The following CSMD1 variants were observed in gnomAD, a reference collection of about 807,000 sequenced individuals.
CSMD1 encodes the protein CUB and sushi domain-containing protein 1.
A neutral mutation model predicts 417.5 loss-of-function variants in CSMD1; 213 were observed. The ratio of observed to expected loss-of-function variants is 0.51; its 90% CI spans 0.46 to 0.57. The LOEUF (loss-of-function observed/expected upper bound fraction) is 0.57, where lower values mean the gene tolerates loss of function less well. Ranked by LOEUF, CSMD1 falls within the 20% of genes least tolerant of loss-of-function variation. The probability of loss-of-function intolerance (pLI) is 0.00; values close to 1 mark genes in which losing one functional copy is unlikely to be tolerated. For missense variants in CSMD1, 6,923 were observed against 4,529.7 expected, an observed-to-expected ratio of 1.53 and a Z score of -15.17; for synonymous variants, 2,862 against 1,736.8, an observed-to-expected ratio of 1.65 and a Z score of -16.11.
intron 57 of CSMD1, among the ~76,000 whole-genome samples, chr8:2,972,295 C>T (rs1804527588): frequency 6.6e-6 from 1 of 152,142 alleles, no homozygotes. Flanking sequence ...TGTATGTGAG[C>T]TTACTCAAGT....
At chr8:4,895,273 T>TA (rs1404760293) in intron 1 of CSMD1, among the ~76,000 whole-genome samples, 1 of 152,168 alleles carries the variant, frequency 6.6e-6, no homozygotes, top group Non-Finnish European at 1.5e-5. Flanking sequence ...TCAGGTGTGT[T>TA]ACGATTATGA....
intron 5 of CSMD1, among the ~76,000 whole-genome samples, chr8:3,767,278 G>T (rs989381199): frequency 1.3e-5 from 2 of 152,188 alleles, no homozygotes; most frequent in African/African-American, 4.8e-5. Flanking sequence ...CTTTCTCCCC[G>T]ACCTGCACAC....
At chr8:3,706,016 G>C (rs939957668) in intron 7 of CSMD1, among the ~76,000 whole-genome samples, 3 of 152,226 alleles carry the variant, frequency 2.0e-5, no homozygotes, top group Non-Finnish European at 2.9e-5. Flanking sequence ...GGATTCATGA[G>C]GTGCTGAAGA....
intron 2 of CSMD1, among the ~76,000 whole-genome samples, chr8:4,441,763 TTGAC>T (rs1292938438): frequency 1.3e-5 from 2 of 152,174 alleles, no homozygotes; most frequent in Non-Finnish European, 2.9e-5. Flanking sequence ...TGCAGTCCAT[TTGAC>T]TGACTAATCT....
At chr8:3,544,320 T>C (rs540137207) in intron 10 of CSMD1, among the ~76,000 whole-genome samples, 9 of 152,228 alleles carry the variant, frequency 5.9e-5, no homozygotes, top group African/African-American at 9.6e-5. Context: ...TTGCAAAATA[T>C]AGTAATTCAG....
intron 51 of CSMD1, among the ~76,000 whole-genome samples, chr8:3,024,711 T>A (rs1225188388): frequency 6.6e-6 from 1 of 152,246 alleles, no homozygotes; most frequent in Middle Eastern, 3.2e-3. Context: ...TTTTCTCTGA[T>A]ACTATTAAGT....
chr8:3,905,093 G>C (rs572003192), intron 5 of CSMD1, among the ~76,000 whole-genome samples: 78 of 152,176 alleles, frequency 5.1e-4, no homozygotes, highest in Admixed American at 2.7e-3. Context: ...AATGTCTGTA[G>C]GGAAACTGAG....
At chr8:4,722,576 G>C (rs946807766) in intron 1 of CSMD1, among the ~76,000 whole-genome samples, 3 of 152,076 alleles carry the variant, frequency 2.0e-5, no homozygotes, top group African/African-American at 7.2e-5. Flanking sequence ...AGTTAGGAAT[G>C]TCTGTGTTCC....
intron 12 of CSMD1, among the ~76,000 whole-genome samples, chr8:3,441,898 G>C (rs1183196925): frequency 6.6e-6 from 1 of 152,040 alleles, no homozygotes; most frequent in Admixed American, 6.6e-5. Flanking sequence ...GAGGTATCCA[G>C]AAGAAGGCAT....
At chr8:3,338,619 C>T (rs534819961) in intron 23 of CSMD1, among the ~76,000 whole-genome samples, 2 of 152,264 alleles carry the variant, frequency 1.3e-5, no homozygotes, top group Non-Finnish European at 2.9e-5. Context: ...CAGGGCCTCT[C>T]CCGTGATACC....
intron 5 of CSMD1, among the ~76,000 whole-genome samples, chr8:3,776,518 C>G (rs1798892705): frequency 6.6e-6 from 1 of 152,160 alleles, no homozygotes; most frequent in Non-Finnish European, 1.5e-5. Flanking sequence ...ACCCTGGGGC[C>G]TTGGAACTTG....
intron 3 of CSMD1, among the ~76,000 whole-genome samples, chr8:4,153,696 T>A (rs1262178759): frequency 6.6e-6 from 1 of 152,206 alleles, no homozygotes; most frequent in Non-Finnish European, 1.5e-5. Flanking sequence ...CTTCCATCAA[T>A]CCGGCAGTCC....
At chr8:3,463,476 C>G (rs935316098) in intron 12 of CSMD1, among the ~76,000 whole-genome samples, 1 of 152,198 alleles carries the variant, frequency 6.6e-6, no homozygotes, top group Non-Finnish European at 1.5e-5. Context: ...TTTGAAGCCA[C>G]GTCCTGCAGC....
chr8:4,949,016 A>T (rs1255664992), intron 1 of CSMD1, among the ~76,000 whole-genome samples: 1 of 152,084 alleles, frequency 6.6e-6, no homozygotes, highest in East Asian at 1.9e-4. Context: ...TTGTTTGCTA[A>T]ATGTCTTTAT....
intron 2 of CSMD1, among the ~76,000 whole-genome samples, chr8:4,468,957 C>T (rs1800355266): frequency 6.6e-6 from 1 of 151,638 alleles, no homozygotes; most frequent in South Asian, 2.1e-4. Flanking sequence ...TACAGACCTT[C>T]AAGAGCATGA....
intron 1 of CSMD1, among the ~76,000 whole-genome samples, chr8:4,802,935 T>C (rs1028758454): frequency 6.6e-6 from 1 of 152,210 alleles, no homozygotes; most frequent in Non-Finnish European, 1.5e-5. Flanking sequence ...CAGAATAAAG[T>C]GATCTTAGTG....
intron 49 of CSMD1, among the ~76,000 whole-genome samples, chr8:3,084,964 C>T (rs887810054): frequency 5.3e-5 from 8 of 151,766 alleles, no homozygotes; most frequent in Non-Finnish European, 1.0e-4. Context: ...AATTAAAATG[C>T]TATTTTACAC....
intron 1 of CSMD1, among the ~76,000 whole-genome samples, chr8:4,904,302 C>T (rs541561248): frequency 2.0e-5 from 3 of 152,302 alleles, no homozygotes; most frequent in Non-Finnish European, 4.4e-5. Flanking sequence ...AAATGTATTT[C>T]CCATTAAAAA....
chr8:4,330,604 T>C (rs1015180110), intron 3 of CSMD1, among the ~76,000 whole-genome samples: 2 of 129,356 alleles, frequency 1.5e-5, no homozygotes, highest in African/African-American at 5.3e-5. Flanking sequence ...AAAAAAAAAG[T>C]ATTTTGTAAT....
Sources: allele counts gnomAD v4.1 joint callset (sites outside exome capture counted in the v4.1 genomes callset), GRCh38; gene constraint gnomAD v4.1.1; transcripts MANE v1.5; gene names NCBI Gene and HGNC (gene_info 2026-07-23, HGNC 2026-07-21).